Variants in RIMS1 observed in about 807,000 individuals in gnomAD.
RIMS1 encodes regulating synaptic membrane exocytosis protein 1.
A neutral mutation model predicts 214.1 loss-of-function variants in RIMS1; 83 were observed. The observed-to-expected ratio is 0.39, with a 90% CI of 0.32 to 0.47. The LOEUF (loss-of-function observed/expected upper bound fraction) is 0.47. Ranked by LOEUF, RIMS1 falls within the 20% of genes least tolerant of loss-of-function variation. The pLI is 0.99. For missense variants in RIMS1, 2,050 were observed against 2,161.8 expected (o/e 0.95, Z 1.03); for synonymous variants, 793 against 786.8 (o/e 1.01, Z -0.13).
intron 6 of RIMS1, among the ~76,000 whole-genome samples, chr6:72,199,919 A>C (rs2051636015): frequency 6.6e-6 from 1 of 152,134 alleles, no homozygotes; most frequent in Non-Finnish European, 1.5e-5. Context: ...ATATCTAAAA[A>C]TAAGGTTGGG....
At position 72,062,583 on chromosome 6, in the gene RIMS1, GCTA is replaced by G. The variant is rs373278883; in HGVS notation, c.246-34364_246-34362del. Among the ~76,000 whole-genome samples the G allele has an allele frequency of 1.4e-3, 209 of 152,318 alleles. 1 individual carries two copies. In the East Asian group the frequency reaches 0.034, roughly 25 times the overall value. On this transcript the variant is annotated intron_variant, in intron 2 of 33. Transcript: ENST00000521978. ...AGTAGTTTATTTGGGAGGTAAAGGA[GCTA>G]CCTGTAGGAGAATGGTAAAGTGAGA...
chr6:72,307,134 A>C (rs955661691), intron 26 of RIMS1, 124 bp from the exon 27 acceptor site: 1 of 648,984 alleles, frequency 1.5e-6, no homozygotes, highest in African/African-American at 1.8e-5. Context: ...TAATTTATTA[A>C]TCATGTGTTA....
At chr6:72,359,289 C>G (rs2154381498) in intron 29 of RIMS1, among the ~76,000 whole-genome samples, 1 of 152,288 alleles carries the variant, frequency 6.6e-6, no homozygotes, top group East Asian at 1.9e-4. Context: ...TTCAGACTTT[C>G]TTACCAAATG....
In RIMS1 at chr6:72,260,697, C is replaced by G. The variant is rs567485415; in HGVS notation, c.3054-8C>G. On this transcript the variant is annotated splice_polypyrimidine_tract_variant and splice_region_variant and intron_variant, in intron 18 of 33. Transcript: ENST00000521978. Reference sequence around the variant, plus strand: ...CTGTTTCACTCACCACCCATCCTGTCTGTGCAGTGAGCTTCTTATGCTGCC... The same window carrying G: ...CTGTTTCACTCACCACCCATCCTGTGTGTGCAGTGAGCTTCTTATGCTGCC... 1.2e-6 allele frequency: 2 copies of G among 1,612,232 alleles called. No individual in the cohort carries two copies. Among genetic ancestry groups the G allele is most frequent in the South Asian group, 2.2e-5 (2 of 90,906 alleles).
intron 6 of RIMS1, among the ~76,000 whole-genome samples, chr6:72,222,873 T>C (rs2058952379): frequency 6.6e-6 from 1 of 152,212 alleles, no homozygotes; most frequent in African/African-American, 2.4e-5. Context: ...TAACTGTTCA[T>C]GCACTCCTTA....
chr6:72,086,699 A>T (rs747293741), intron 2 of RIMS1, among the ~76,000 whole-genome samples: 3 of 152,152 alleles, frequency 2.0e-5, no homozygotes, highest in Non-Finnish European at 4.4e-5. Flanking sequence ...GGAAAGTTTA[A>T]TTTGATTGTA....
chr6:71,920,866 TAAAC>T (rs1163171660), intron 1 of RIMS1, among the ~76,000 whole-genome samples: 2 of 152,236 alleles, frequency 1.3e-5, no homozygotes, highest in East Asian at 1.9e-4. Flanking sequence ...CACTGTTAAT[TAAAC>T]AAACCAACAA....
At chr6:72,221,333 T>TC (rs1354009892) in intron 6 of RIMS1, among the ~76,000 whole-genome samples, 2 of 150,440 alleles carry the variant, frequency 1.3e-5, no homozygotes, top group African/African-American at 2.5e-5. Flanking sequence ...ATTTTTTTTT[T>TC]CTCATTAAAA....
At chr6:72,195,897 G>A (rs141381740) in intron 6 of RIMS1, among the ~76,000 whole-genome samples, 1 of 152,012 alleles carries the variant, frequency 6.6e-6, no homozygotes, top group African/African-American at 2.4e-5. Context: ...CTTACATGAC[G>A]GCAGGTGAGA....
chr6:72,074,265 C>G (rs1831263850), intron 2 of RIMS1, among the ~76,000 whole-genome samples: 1 of 152,148 alleles, frequency 6.6e-6, no homozygotes, highest in African/African-American at 2.4e-5. Flanking sequence ...GATTGTGTTA[C>G]ATAGCTGGTA....
intron 2 of RIMS1, among the ~76,000 whole-genome samples, chr6:72,023,289 C>G (rs1289451949): frequency 1.3e-5 from 2 of 152,092 alleles, no homozygotes; most frequent in Non-Finnish European, 2.9e-5. Context: ...TGATATAGAA[C>G]AGTGTCATAC....
At chr6:72,166,986 A>G (rs966218660) in intron 4 of RIMS1, among the ~76,000 whole-genome samples, 1 of 152,012 alleles carries the variant, frequency 6.6e-6, no homozygotes, top group Non-Finnish European at 1.5e-5. Flanking sequence ...AAAAGTATAT[A>G]TATTTGCCTT....
At chr6:72,269,725 A>C (rs2082138157) in intron 22 of RIMS1, among the ~76,000 whole-genome samples, 1 of 152,192 alleles carries the variant, frequency 6.6e-6, no homozygotes, top group South Asian at 2.1e-4. Flanking sequence ...ATATATTAAT[A>C]GATAGCCCTT....
intron 4 of RIMS1, among the ~76,000 whole-genome samples, chr6:72,154,013 A>T (rs1313635215): frequency 6.6e-6 from 1 of 152,092 alleles, no homozygotes; most frequent in Non-Finnish European, 1.5e-5. Flanking sequence ...GAACATAATT[A>T]TTATCTTGAA....
At chr6:71,967,941 C>T (rs1417795263) in intron 1 of RIMS1, among the ~76,000 whole-genome samples, 1 of 152,170 alleles carries the variant, frequency 6.6e-6, no homozygotes, top group East Asian at 1.9e-4. Flanking sequence ...TTATCTACCA[C>T]TGCCTCACCA....
intron 2 of RIMS1, among the ~76,000 whole-genome samples, chr6:71,977,155 C>T (rs1476303453): frequency 6.6e-6 from 1 of 152,152 alleles, no homozygotes; most frequent in East Asian, 1.9e-4. Flanking sequence ...TATAATTTCT[C>T]TCAATGTCTG....
intron 6 of RIMS1, among the ~76,000 whole-genome samples, chr6:72,203,370 C>T (rs72937854): frequency 0.18 from 27,745 of 152,040 alleles, 3,081 homozygotes; most frequent in Non-Finnish European, 0.25. Context: ...TGAATGCCGA[C>T]GTTTAATATT....
chr6:72,045,211 T>C (rs1173813190), intron 2 of RIMS1, among the ~76,000 whole-genome samples: 1 of 151,860 alleles, frequency 6.6e-6, no homozygotes, highest in Non-Finnish European at 1.5e-5. Flanking sequence ...CAAAGGGATA[T>C]AAGGGTACTT....
chr6:71,945,880 G>A (rs929843552), intron 1 of RIMS1, among the ~76,000 whole-genome samples: 6 of 151,750 alleles, frequency 4.0e-5, no homozygotes, highest in Non-Finnish European at 8.8e-5. Flanking sequence ...CTCCCAAGTA[G>A]CTGAGATTAC....
Sources: gnomAD v4.1 joint callset for allele counts (sites outside exome capture counted in the v4.1 genomes callset) on GRCh38, gnomAD v4.1.1 for gene constraint, MANE v1.5 for transcripts, NCBI Gene and HGNC (gene_info 2026-07-23, HGNC 2026-07-21) for gene names.